The following NKAIN2 variants were observed in gnomAD, a reference collection of about 807,000 sequenced individuals.
The protein encoded by NKAIN2 is sodium/potassium transporting ATPase interacting 2.
In NKAIN2, 14 loss-of-function variants were observed where a neutral mutation model predicts 32.6. That is an observed-to-expected ratio of 0.43 (90% CI 0.28 to 0.67). The LOEUF (loss-of-function observed/expected upper bound fraction) is 0.67, where lower values mean the gene tolerates loss of function less well. Ranked by LOEUF, NKAIN2 falls within the 30% of genes least tolerant of loss-of-function variation. The probability of loss-of-function intolerance (pLI) is 0.17; values close to 1 mark genes in which losing one functional copy is unlikely to be tolerated. For missense variants in NKAIN2, 198 were observed against 258.3 expected, an observed-to-expected ratio of 0.77 and a Z score of 1.60; for synonymous variants, 80 against 87.2, an observed-to-expected ratio of 0.92 and a Z score of 0.46.
At chr6:123,893,107 T>A (rs1023401772) in intron 1 of NKAIN2, among the ~76,000 whole-genome samples, 4 of 152,094 alleles carry the variant, frequency 2.6e-5, no homozygotes, top group African/African-American at 9.7e-5. Context: ...TGAAACTCAT[T>A]AATATAGGAT....
At chr6:124,713,115 A>G (rs541943123) in intron 4 of NKAIN2, among the ~76,000 whole-genome samples, 109 of 152,240 alleles carry the variant, frequency 7.2e-4, no homozygotes, top group Non-Finnish European at 5.6e-4. Flanking sequence ...CCTACATATA[A>G]AGCACCACAA....
chr6:124,226,520 A>G (rs1582882266), intron 1 of NKAIN2, among the ~76,000 whole-genome samples: 1 of 151,990 alleles, frequency 6.6e-6, no homozygotes, highest in East Asian at 1.9e-4. Flanking sequence ...ATCACCACCA[A>G]TGTCAAAGGC....
chr6:123,928,366 A>G (rs1392474720), intron 1 of NKAIN2, among the ~76,000 whole-genome samples: 2 of 152,156 alleles, frequency 1.3e-5, no homozygotes, highest in African/African-American at 2.4e-5. Context: ...CAATATACCC[A>G]TTTGGTAAGC....
At chr6:124,811,316 T>C (rs1056036237) in intron 5 of NKAIN2, among the ~76,000 whole-genome samples, 1 of 152,126 alleles carries the variant, frequency 6.6e-6, no homozygotes, top group Non-Finnish European at 1.5e-5. Flanking sequence ...CAAAAGGGAG[T>C]ATGTTGACTA....
At chr6:124,687,376 T>C (rs1347095892) in intron 4 of NKAIN2, among the ~76,000 whole-genome samples, 1 of 126,518 alleles carries the variant, frequency 7.9e-6, no homozygotes, top group African/African-American at 2.9e-5. Context: ...TACACATACA[T>C]GGAATATATA....
chr6:124,419,354 G>A lies in NKAIN2; in HGVS notation c.273+64007G>A, dbSNP rs146639735. Among the ~76,000 whole-genome samples the A allele has an allele frequency of 6.1e-3, 927 of 152,226 alleles. 8 individuals carry two copies. The highest frequency in any genetic ancestry group is 0.021 in the African/African-American group (891 of 41,550). On this transcript the variant is annotated intron_variant, in intron 3 of 6. Coordinates refer to ENST00000368417, the MANE Select transcript of NKAIN2 (RefSeq NM_001040214.3). Reference sequence around the variant, plus strand: ...GATCACCTGCCATAGTATCAAACATGTCTAACACCAGATCTGTCATGACAA... The same window carrying A: ...GATCACCTGCCATAGTATCAAACATATCTAACACCAGATCTGTCATGACAA...
At chr6:124,563,909 C>T (rs918686296) in intron 3 of NKAIN2, among the ~76,000 whole-genome samples, 1 of 152,086 alleles carries the variant, frequency 6.6e-6, no homozygotes, top group Admixed American at 6.6e-5. Context: ...GGAGGGGTCC[C>T]AGTGGCGGGA....
chr6:124,185,033 A>T (rs929410588), intron 1 of NKAIN2, among the ~76,000 whole-genome samples: 2 of 152,176 alleles, frequency 1.3e-5, no homozygotes, highest in African/African-American at 4.8e-5. Context: ...CTTGAAGTAC[A>T]TCATTTACTC....
chr6:123,955,883 C>G (rs979915113), intron 1 of NKAIN2, among the ~76,000 whole-genome samples: 3 of 152,086 alleles, frequency 2.0e-5, no homozygotes, highest in African/African-American at 7.2e-5. Flanking sequence ...CTGCCTTGGC[C>G]TCCCAAAATG....
intron 5 of NKAIN2, among the ~76,000 whole-genome samples, chr6:124,811,995 T>C (rs1780921606): frequency 6.6e-6 from 1 of 152,082 alleles, no homozygotes; most frequent in African/African-American, 2.4e-5. Flanking sequence ...CTGTTTAGGG[T>C]CCTATAAACT....
At chr6:124,186,838 G>T (rs1206668253) in intron 1 of NKAIN2, among the ~76,000 whole-genome samples, 1 of 152,134 alleles carries the variant, frequency 6.6e-6, no homozygotes, top group East Asian at 1.9e-4. Flanking sequence ...AAGCATTAGA[G>T]CCACCATGTC....
intron 3 of NKAIN2, among the ~76,000 whole-genome samples, chr6:124,470,690 A>G (rs1432701485): frequency 6.6e-6 from 1 of 152,144 alleles, no homozygotes; most frequent in African/African-American, 2.4e-5. Context: ...TTAAAAGATA[A>G]TAAAGGTGTT....
In NKAIN2 at chr6:124,203,577, TG is replaced by T. The variant is rs558489977; in HGVS notation, c.55-79427del. Among the ~76,000 whole-genome samples the T allele has an allele frequency of 5.9e-5, 9 of 151,922 alleles. No individual in the cohort carries two copies. The South Asian group carries it at 1.5e-3, about 24-fold the overall frequency. ...GATAGGTAAATCTAAATAAGCATGCTGAGAGAGAAAGGGCATTAGAGTGTAC... is the reference window on the plus strand; with the variant it reads ...GATAGGTAAATCTAAATAAGCATGCTAGAGAGAAAGGGCATTAGAGTGTAC... On this transcript the variant is annotated intron_variant, in intron 1 of 6. Transcript: ENST00000368417.
chr6:124,746,397 A>G (rs1160501649), intron 4 of NKAIN2, among the ~76,000 whole-genome samples: 2 of 151,876 alleles, frequency 1.3e-5, no homozygotes, highest in African/African-American at 4.8e-5. Context: ...AAGTACAAAG[A>G]ACTAAAAGTC....
intron 3 of NKAIN2, among the ~76,000 whole-genome samples, chr6:124,428,671 T>C (rs1451418073): frequency 1.3e-5 from 2 of 152,112 alleles, no homozygotes; most frequent in African/African-American, 4.8e-5. Flanking sequence ...AGGAAATATT[T>C]AAGGCTAGGG....
chr6:124,359,446 A>C (rs1410866591), intron 3 of NKAIN2, among the ~76,000 whole-genome samples: 1 of 151,990 alleles, frequency 6.6e-6, no homozygotes, highest in Admixed American at 6.6e-5. Flanking sequence ...CTTTTATTTC[A>C]TTGAGCAGTG....
intron 3 of NKAIN2, among the ~76,000 whole-genome samples, chr6:124,528,049 T>G (rs1028189070): frequency 6.6e-6 from 1 of 152,078 alleles, no homozygotes; most frequent in Non-Finnish European, 1.5e-5. Context: ...TATCTGAAGG[T>G]CCTTGGTGAT....
At chr6:124,030,343 C>CA (rs1353567711) in intron 1 of NKAIN2, among the ~76,000 whole-genome samples, 1 of 152,116 alleles carries the variant, frequency 6.6e-6, no homozygotes, top group Non-Finnish European at 1.5e-5. Context: ...TCCCTGGTGC[C>CA]AAAAAGGTTG....
chr6:124,439,502 C>T (rs1280316767), intron 3 of NKAIN2, among the ~76,000 whole-genome samples: 1 of 151,918 alleles, frequency 6.6e-6, no homozygotes, highest in Non-Finnish European at 1.5e-5. Flanking sequence ...CGTATGATGT[C>T]AGGCTTTTCC....
Sources: gnomAD v4.1 joint callset for allele counts (sites outside exome capture counted in the v4.1 genomes callset) on GRCh38, gnomAD v4.1.1 for gene constraint, MANE v1.5 for transcripts, NCBI Gene and HGNC (gene_info 2026-07-23, HGNC 2026-07-21) for gene names.